The following NFKB1 variants were observed in gnomAD, a reference collection of about 807,000 sequenced individuals.
NFKB1 encodes the protein nuclear factor kappa B subunit 1.
NFKB1 carries 9 observed loss-of-function variants against 105.1 expected under a neutral mutation model. The ratio of observed to expected loss-of-function variants is 0.09; its 90% CI spans 0.05 to 0.15. The LOEUF (loss-of-function observed/expected upper bound fraction) is 0.15. NFKB1 is among the 10% of genes least tolerant of loss of function. NFKB1 has a pLI of 1.00. For missense variants in NFKB1, 830 were observed against 1,203.7 expected (o/e 0.69, Z 4.59); for synonymous variants, 440 against 442.2 (o/e 1.00, Z 0.06).
intron 4 of NFKB1, among the ~76,000 whole-genome samples, chr4:102,535,024 T>TG (rs1741546109): frequency 6.6e-6 from 1 of 152,166 alleles, no homozygotes. Flanking sequence ...CATGAAACTT[T>TG]GGGGCATGGT....
At chr4:102,599,137 G>A (rs1417187148) in intron 15 of NFKB1, among the ~76,000 whole-genome samples, 3 of 152,166 alleles carry the variant, frequency 2.0e-5, no homozygotes, top group Non-Finnish European at 2.9e-5. Context: ...ATTTGAGGGG[G>A]AGGGGGAATG....
At chr4:102,560,921 G>A (rs1231221522) in intron 5 of NFKB1, among the ~76,000 whole-genome samples, 1 of 151,972 alleles carries the variant, frequency 6.6e-6, no homozygotes, top group Non-Finnish European at 1.5e-5. Flanking sequence ...CTGAAGTCAT[G>A]TGATTGGCCC....
At chr4:102,592,198 G>C (rs1490268746) in intron 11 of NFKB1, among the ~76,000 whole-genome samples, 1 of 152,220 alleles carries the variant, frequency 6.6e-6, no homozygotes, top group Non-Finnish European at 1.5e-5. Flanking sequence ...TGGAGAAGAT[G>C]CTGTGAACAT....
chr4:102,525,422 C>T (rs886926144), intron 1 of NFKB1, 90 bp from the exon 2 acceptor site: 2 of 1,234,890 alleles, frequency 1.6e-6, no homozygotes, highest in Non-Finnish European at 1.2e-6. Flanking sequence ...TGGTATAATA[C>T]AGTTTATTCC....
At chr4:102,603,418 T>C (rs1172209271) in intron 16 of NFKB1, among the ~76,000 whole-genome samples, 1 of 152,114 alleles carries the variant, frequency 6.6e-6, no homozygotes, top group African/African-American at 2.4e-5. Context: ...ACTGTATCAT[T>C]TGGTTACATA....
In NFKB1 at chr4:102,513,042, C is replaced by A. The variant is rs548631439; in HGVS notation, c.-8+11254C>A. The stretch of plus-strand genomic sequence containing the variant: ...TCCTCAGTCTGAAAATATGAATATT[C>A]CAAAATGGTACTCAAGGCAGAGGCT... On this transcript the variant is annotated intron_variant, in intron 1 of 23. Transcript: ENST00000226574. 1.9e-3 allele frequency among the ~76,000 whole-genome samples: 286 copies of A among 152,198 alleles called. 2 individuals carry two copies. The highest frequency in any genetic ancestry group is 6.7e-3 in the African/African-American group (279 of 41,526).
chr4:102,566,109 G>A (rs1194535805), intron 5 of NFKB1, among the ~76,000 whole-genome samples: 3 of 152,158 alleles, frequency 2.0e-5, no homozygotes, highest in Non-Finnish European at 4.4e-5. Context: ...CTCAAGGAAG[G>A]AATCCAGTCT....
intron 5 of NFKB1, among the ~76,000 whole-genome samples, chr4:102,550,761 G>A (rs1264844559): frequency 9.9e-5 from 15 of 152,192 alleles, no homozygotes; most frequent in Admixed American, 9.8e-4. Context: ...AGAGTAATGT[G>A]TACAAAAGTT....
At chr4:102,509,572 T>G (rs1739644957) in intron 1 of NFKB1, among the ~76,000 whole-genome samples, 1 of 152,232 alleles carries the variant, frequency 6.6e-6, no homozygotes, top group Non-Finnish European at 1.5e-5. Flanking sequence ...GGCACTTAAG[T>G]ATCTTCACAT....
chr4:102,602,840 C>T (rs1056161897), intron 16 of NFKB1, among the ~76,000 whole-genome samples: 56 of 152,102 alleles, frequency 3.7e-4, no homozygotes, highest in African/African-American at 1.3e-3. Context: ...ACTTTCATAC[C>T]GTTTTGGGGT....
chr4:102,611,149 A>G (rs725200), intron 20 of NFKB1, among the ~76,000 whole-genome samples: 41 of 152,202 alleles, frequency 2.7e-4, no homozygotes, highest in African/African-American at 9.4e-4. Context: ...AGCCTTCCTC[A>G]AAACTCCACA....
At chr4:102,598,644 A>T (rs973779364) in intron 15 of NFKB1, among the ~76,000 whole-genome samples, 1 of 152,230 alleles carries the variant, frequency 6.6e-6, no homozygotes, top group Non-Finnish European at 1.5e-5. Flanking sequence ...GAACAGCAGA[A>T]TTCTTTTTCA....
intron 5 of NFKB1, among the ~76,000 whole-genome samples, chr4:102,547,278 T>C (rs1722214121): frequency 6.6e-6 from 1 of 152,150 alleles, no homozygotes; most frequent in Admixed American, 6.6e-5. Flanking sequence ...TCAACATAGT[T>C]AACATGGATA....
chr4:102,507,987 A>G (rs1310636279), intron 1 of NFKB1, among the ~76,000 whole-genome samples: 1 of 152,198 alleles, frequency 6.6e-6, no homozygotes, highest in African/African-American at 2.4e-5. Flanking sequence ...AAATAGTGAA[A>G]ATAGATTACT....
At position 102,528,369 on chromosome 4, in the gene NFKB1, C is replaced by T. The variant is rs546468037; in HGVS notation, c.40-1467C>T. Among the ~76,000 whole-genome samples the T allele has an allele frequency of 3.9e-5, 6 of 152,266 alleles. 1 individual carries two copies. In the South Asian group the frequency reaches 1.2e-3, roughly 32 times the overall value. On this transcript the variant is annotated intron_variant, in intron 2 of 23. Coordinates refer to ENST00000226574, the MANE Select transcript of NFKB1 (RefSeq NM_003998.4). ...ATCAGTGAGCTTTTAATCTTATAAG[C>T]ATTGAAGTGAAGCGCATTCTTTGTT...
chr4:102,541,954 G>A (rs964247021), intron 5 of NFKB1, among the ~76,000 whole-genome samples: 1 of 152,094 alleles, frequency 6.6e-6, no homozygotes, highest in African/African-American at 2.4e-5. Context: ...GTGCATACTC[G>A]GTCATATGGA....
chr4:102,557,419 A>G (rs550665656), intron 5 of NFKB1, among the ~76,000 whole-genome samples: 1 of 152,310 alleles, frequency 6.6e-6, no homozygotes, highest in East Asian at 1.9e-4. Flanking sequence ...AGAGCCAGCT[A>G]TGTCTTACTC....
intron 5 of NFKB1, 33 bp downstream of exon 5, chr4:102,537,989 T>C (rs2149128014): frequency 7.4e-7 from 1 of 1,349,464 alleles, no homozygotes; most frequent in Non-Finnish European, 1.1e-6. Flanking sequence ...TCTATTTGAA[T>C]TCTGGAAATT....
intron 9 of NFKB1, 131 bp from the exon 10 acceptor site, chr4:102,582,735 C>T (rs1240924403): frequency 7.6e-6 from 4 of 523,546 alleles, no homozygotes; most frequent in Non-Finnish European, 1.3e-5. Context: ...AAAGACTGAA[C>T]CTTTTGATCT....
Sources: allele counts gnomAD v4.1 joint callset (sites outside exome capture counted in the v4.1 genomes callset), GRCh38; gene constraint gnomAD v4.1.1; transcripts MANE v1.5; gene names NCBI Gene and HGNC (gene_info 2026-07-23, HGNC 2026-07-21).